CASD1: variants seen among roughly 807,000 people sequenced by gnomAD.
CASD1 encodes CAS1 domain sialic acid O acetyltransferase 1, also known as N-acetylneuraminate (7)9-O-acetyltransferase.
A neutral mutation model predicts 100.0 loss-of-function variants in CASD1; 41 were observed. The ratio of observed to expected loss-of-function variants is 0.41; its 90% CI spans 0.32 to 0.53. The LOEUF (loss-of-function observed/expected upper bound fraction) is 0.53. CASD1 is among the 20% of genes least tolerant of loss of function. The pLI, the probability that CASD1 is intolerant of heterozygous loss-of-function variation, is 0.25. For synonymous variants in CASD1, 321 were observed against 315.6 expected (o/e 1.02, Z -0.18); for missense variants, 774 against 948.7 (o/e 0.82, Z 2.42).
intron 15 of CASD1, 158 bp from the exon 16 acceptor site, chr7:94,552,192 G>A (rs777747388): frequency 3.3e-6 from 2 of 597,958 alleles, no homozygotes; most frequent in African/African-American, 1.9e-5. Flanking sequence ...ACCAAAACAG[G>A]TGATGAGCAA....
At chr7:94,575,674 C>T in the CASD1 span, among the ~76,000 whole-genome samples, 1 of 152,132 alleles carries the variant, frequency 6.6e-6, no homozygotes, top group Non-Finnish European at 1.5e-5. Context: ...GGCAGGCTTT[C>T]TAGCATTTCT....
chr7:94,535,484 T>C lies in CASD1; in HGVS notation c.804T>C (p.Ser268=). 6.2e-7 allele frequency: 1 copy of C among 1,613,706 alleles called. No individual in the cohort carries two copies. Among genetic ancestry groups the C allele is most frequent in the South Asian group, 1.1e-5 (1 of 91,074 alleles). Residue 268 remains serine, a synonymous_variant, in exon 8 of 18, where the codon TCT becomes TCC. Coordinates refer to ENST00000297273, the MANE Select transcript of CASD1 (RefSeq NM_022900.5). The part of the protein sequence containing the change: ...KLIAQETIME[S]LDGLHLPESS... ...TTGCTCAAGAAACCATCATGGAATC[T>C]TTGGATGGCTTACATCTTCCTGAAT...
chr7:94,603,857 A>G, the CASD1 span, among the ~76,000 whole-genome samples: 121 of 152,272 alleles, frequency 7.9e-4, 2 homozygotes, highest in Middle Eastern at 0.01. Context: ...ATAATAAATA[A>G]CTAAGTAATA....
chr7:94,560,146 C>CCTG (rs1796317120), downstream of CASD1, among the ~76,000 whole-genome samples: 1 of 152,148 alleles, frequency 6.6e-6, no homozygotes, highest in African/African-American at 2.4e-5. Context: ...GGGTCAAAGT[C>CCTG]CTGCTGATAG....
the CASD1 span, chr7:94,603,141 A>G: frequency 7.9e-6 from 5 of 633,090 alleles, no homozygotes; most frequent in African/African-American, 7.4e-5. Flanking sequence ...ACTGTCAACG[A>G]GCTTACCAGA....
chr7:94,523,861 A>G (rs1794412573), intron 3 of CASD1, among the ~76,000 whole-genome samples: 1 of 152,182 alleles, frequency 6.6e-6, no homozygotes, highest in Admixed American at 6.5e-5. Flanking sequence ...AAACCATTAG[A>G]ATAGACTGTA....
rs1168087392 is a variant in CASD1, at chr7:94,544,423, T to TA, written c.1370dup (p.Tyr457Ter). The change falls in exon 11 of 18, where the codon TAC (tyrosine) becomes TAAC (stop). Residue 457 changes from tyrosine to a stop codon, truncating the protein, a stop_gained and frameshift_variant. Coordinates refer to ENST00000297273, the MANE Select transcript of CASD1 (RefSeq NM_022900.5). LOFTEE classifies it high-confidence loss of function. Reference sequence around the variant, plus strand: ...TCTTTGTCAACAGTTTTTGCCTGTATACATGCACATTCGAGTTCTGGTTGC... The same window carrying TA: ...TCTTTGTCAACAGTTTTTGCCTGTATAACATGCACATTCGAGTTCTGGTTGC... ...ISGASTFLPV[Y>*]MHIRVLVAAY... 6.2e-7 allele frequency: 1 copy of TA among 1,613,160 alleles called. No individual in the cohort carries two copies.
chr7:94,603,650 A>C, the CASD1 span, among the ~76,000 whole-genome samples: 1 of 152,030 alleles, frequency 6.6e-6, no homozygotes, highest in Non-Finnish European at 1.5e-5. Context: ...ACCAATATTT[A>C]CTGAGTGCTT....
At chr7:94,567,125 ATCTT>A in the CASD1 span, among the ~76,000 whole-genome samples, 1 of 145,590 alleles carries the variant, frequency 6.9e-6, no homozygotes, top group Non-Finnish European at 1.5e-5. Flanking sequence ...TTTTTTTTTA[ATCTT>A]TCTGTTACAG....
chr7:94,535,026 A>C (rs1247422922), intron 7 of CASD1, among the ~76,000 whole-genome samples: 1 of 152,212 alleles, frequency 6.6e-6, no homozygotes, highest in Non-Finnish European at 1.5e-5. Flanking sequence ...CTCTTAAGAC[A>C]TGCTGGAGCA....
At chr7:94,619,984 G>T in the CASD1 span, 1 of 152,134 alleles carries the variant, frequency 6.6e-6, no homozygotes, top group Admixed American at 6.6e-5. Flanking sequence ...ATATGAAAAG[G>T]TTGATTATCT....
the CASD1 span, among the ~76,000 whole-genome samples, chr7:94,595,989 TTATC>T: frequency 1.3e-5 from 2 of 152,164 alleles, no homozygotes; most frequent in Admixed American, 6.5e-5. Flanking sequence ...ACATCATCAA[TTATC>T]TGTGTACCCT....
chr7:94,527,271 C>A, intron 4 of CASD1, 65 bp downstream of exon 4: 1 of 1,120,670 alleles, frequency 8.9e-7, no homozygotes, highest in Non-Finnish European at 1.4e-6. Flanking sequence ...GTTAATTGAA[C>A]ATACTAAGTA....
At chr7:94,599,226 C>A in the CASD1 span, 1 of 351,754 alleles carries the variant, frequency 2.8e-6, no homozygotes, top group Admixed American at 4.4e-5. Flanking sequence ...TATTACTGTC[C>A]TAAGTAACCA....
the CASD1 span, among the ~76,000 whole-genome samples, chr7:94,562,044 G>C: frequency 2.0e-5 from 3 of 152,112 alleles, no homozygotes; most frequent in Non-Finnish European, 4.4e-5. Context: ...TAGGAATGTT[G>C]ATTACATCAC....
chr7:94,575,033 T>C, the CASD1 span, among the ~76,000 whole-genome samples: 1 of 152,134 alleles, frequency 6.6e-6, no homozygotes, highest in Non-Finnish European at 1.5e-5. Context: ...TGGTTTTTCA[T>C]GTCTCAGTCT....
At chr7:94,584,441 A>G in the CASD1 span, among the ~76,000 whole-genome samples, 4 of 152,246 alleles carry the variant, frequency 2.6e-5, no homozygotes, top group Non-Finnish European at 4.4e-5. Flanking sequence ...TCTTTAAGAA[A>G]TAAGAGAACC....
chr7:94,573,043 G>C, the CASD1 span, among the ~76,000 whole-genome samples: 1 of 151,668 alleles, frequency 6.6e-6, no homozygotes, highest in African/African-American at 2.4e-5. Context: ...GGTCATAGGG[G>C]TGCAGTCTTA....
chr7:94,588,904 G>C, the CASD1 span: 1 of 675,482 alleles, frequency 1.5e-6, no homozygotes, highest in East Asian at 2.8e-5. Flanking sequence ...GAGGTCTGAG[G>C]AGAATAAAAA....
Sources: gnomAD v4.1 joint callset for allele counts (sites outside exome capture counted in the v4.1 genomes callset) on GRCh38, gnomAD v4.1.1 for gene constraint, MANE v1.5 for transcripts, NCBI Gene and HGNC (gene_info 2026-07-23, HGNC 2026-07-21) for gene names.